ADCK5: variants seen among roughly 807,000 people sequenced by gnomAD.
The protein encoded by ADCK5 is aarF domain containing kinase 5.
In ADCK5, 43 loss-of-function variants were observed where a neutral mutation model predicts 64.9. That is an observed-to-expected ratio of 0.66 (90% CI 0.52 to 0.85). ADCK5 has a LOEUF of 0.85. ADCK5 is among the 40% of genes least tolerant of loss of function. The pLI, the probability that ADCK5 is intolerant of heterozygous loss-of-function variation, is 0.00. For missense variants in ADCK5, 760 were observed against 810.5 expected (o/e 0.94, Z 0.76); for synonymous variants, 434 against 342.8 (o/e 1.27, Z -2.94).
chr8:144,387,384 C>T (rs1458024410), intron 3 of ADCK5, among the ~76,000 whole-genome samples: 2 of 152,070 alleles, frequency 1.3e-5, no homozygotes, highest in Admixed American at 1.3e-4. Context: ...CACTGCTCCT[C>T]CACCCAGCAG....
intron 3 of ADCK5, among the ~76,000 whole-genome samples, chr8:144,390,083 G>A (rs1820138147): frequency 6.6e-6 from 1 of 151,726 alleles, no homozygotes. Context: ...CACTCACCTC[G>A]GCCTCCCAAA....
At position 144,390,997 on chromosome 8, in the gene ADCK5, G is replaced by A. The variant is rs370821655; in HGVS notation, c.484G>A (p.Glu162Lys). 3 of 1,612,882 alleles carry A rather than the reference G, an allele frequency of 1.9e-6. No individual in the cohort carries two copies. Among genetic ancestry groups the A allele is most frequent in the East Asian group, 2.2e-5 (1 of 44,886 alleles). Reference protein sequence around the residue: ...LCSFNHLLPPEYTRTLRVLED... With the variant: ...LCSFNHLLPPKYTRTLRVLED... ...CTCCTTCAACCACCTGCTTCCCCCC[G>A]AGTATACCCGGACCCTGCGCGTGCT... Residue 162 changes from glutamate (E) to lysine (K), a missense_variant, in exon 5 of 15, where the codon GAG (glutamate) becomes AAG (lysine). Physicochemically the swap from Glu to Lys is moderately conservative, Grantham distance 56. This residue lies in a region of ADCK5 where 427 missense variants were observed against 518.4 expected (regional missense o/e 0.82). Transcript: ENST00000308860.
rs782460043 is a variant in ADCK5 at position 144,392,765 on chromosome 8, G to T, written c.1521-11G>T. 1.8e-5 allele frequency: 28 copies of T among 1,587,028 alleles called. No homozygotes were observed. Among genetic ancestry groups the T allele is most frequent in the Non-Finnish European group, 2.2e-5 (26 of 1,168,636 alleles). Reference sequence around the variant, plus strand: ...GTGGGGCTGACGCGGCGCTAACGCGGGTGTGTGCAGGGCTGTCCGGGGCTG... The same window carrying T: ...GTGGGGCTGACGCGGCGCTAACGCGTGTGTGTGCAGGGCTGTCCGGGGCTG... On this transcript the variant is annotated splice_polypyrimidine_tract_variant and intron_variant, in intron 13 of 14. Coordinates refer to ENST00000308860, the MANE Select transcript of ADCK5 (RefSeq NM_174922.5).
At chr8:144,375,268 A>G (rs114917789) in intron 1 of ADCK5, among the ~76,000 whole-genome samples, 151,466 of 152,328 alleles carry the variant, frequency 0.99, 75,315 homozygotes, top group Middle Eastern at 1. Flanking sequence ...GCGTTTGAGG[A>G]CTGGCTGGGG....
rs782659374 is a variant in ADCK5 at position 144,392,907 on chromosome 8, G to A, written c.1637+15G>A. On this transcript the variant is annotated intron_variant, in intron 14 of 14. Coordinates refer to ENST00000308860, the MANE Select transcript of ADCK5 (RefSeq NM_174922.5). ...GTGGCGCTCAGGTGAGTGGCCGCGGGGCAGGTGGGTGGCGGGGGCCTGCTC... is the reference window on the plus strand; with the variant it reads ...GTGGCGCTCAGGTGAGTGGCCGCGGAGCAGGTGGGTGGCGGGGGCCTGCTC... 1.0e-5 allele frequency: 16 copies of A among 1,598,854 alleles called. No individual in the cohort carries two copies. In the Admixed American group the frequency reaches 2.2e-4, roughly 22 times the overall value.
At chr8:144,383,342 C>A in intron 3 of ADCK5, 112 bp downstream of exon 3, 1 of 1,383,388 alleles carries the variant, frequency 7.2e-7, no homozygotes, top group Non-Finnish European at 9.6e-7. Flanking sequence ...GCCTGGGAGG[C>A]CTGCAGAGCT....
intron 3 of ADCK5, among the ~76,000 whole-genome samples, chr8:144,388,547 G>A (rs997353912): frequency 2.0e-5 from 3 of 151,990 alleles, no homozygotes; most frequent in Admixed American, 6.6e-5. Flanking sequence ...GGCGGATCAC[G>A]AGGTCGGGAG....
At chr8:144,381,404 T>G (rs1554858191) in intron 2 of ADCK5, among the ~76,000 whole-genome samples, 1 of 110,964 alleles carries the variant, frequency 9.0e-6, no homozygotes, top group Non-Finnish European at 1.8e-5. Context: ...AGGCACCTGC[T>G]GCACTCAGGA....
intron 2 of ADCK5, among the ~76,000 whole-genome samples, chr8:144,379,899 G>A (rs1819525496): frequency 6.6e-6 from 1 of 152,214 alleles, no homozygotes; most frequent in Non-Finnish European, 1.5e-5. Flanking sequence ...ATGTCCTGAG[G>A]CCAGCAAGTC....
intron 1 of ADCK5, among the ~76,000 whole-genome samples, chr8:144,379,004 G>T (rs1439690467): frequency 6.6e-6 from 1 of 150,986 alleles, no homozygotes; most frequent in Non-Finnish European, 1.5e-5. Flanking sequence ...CGCGATTTCA[G>T]CTCACTGCAA....
In ADCK5 at chr8:144,392,665, C is replaced by T; in HGVS notation, c.1488C>T (p.Ala496=). 6.3e-7 allele frequency: 1 copy of T among 1,594,148 alleles called. No individual in the cohort carries two copies. The highest frequency in any genetic ancestry group is 8.5e-7 in the Non-Finnish European group (1 of 1,171,494). ...GCGCTATCAACGTGGCCCTCGGCGC[C>T]CCCGTGGACCGCTACTTCCTTATGG... ...TVRAINVALG[A]PVDRYFLMAK... Residue 496 remains alanine (A), a synonymous_variant, in exon 13 of 15, where the codon GCC becomes GCT. Transcript: ENST00000308860.
intron 1 of ADCK5, among the ~76,000 whole-genome samples, chr8:144,375,851 G>A (rs1819341547): frequency 6.6e-6 from 1 of 152,232 alleles, no homozygotes; most frequent in Non-Finnish European, 1.5e-5. Flanking sequence ...AGTGTCACCA[G>A]GGCCGTCTCA....
Position 144,392,807 on chromosome 8 carries a change from G to GC in ADCK5, c.1554dup (p.Thr519HisfsTer24). The GC allele has an allele frequency of 1.3e-6, 2 of 1,591,486 alleles. No homozygotes were observed. Among genetic ancestry groups the GC allele is most frequent in the Non-Finnish European group, 1.7e-6 (2 of 1,173,530 alleles). On this transcript the variant is annotated frameshift_variant, in exon 14 of 15. Transcript: ENST00000308860. LOFTEE classifies it high-confidence loss of function. ...CCGGGGCTGGAGCCGCCTGGCGGGC[G>GC]CCACGTATCGGGGTGTCTACGGCAC...
Position 144,392,886 on chromosome 8 carries a change from C to A in ADCK5, c.1631C>A (p.Ala544Glu). Residue 544 changes from alanine to glutamate, a missense_variant, in exon 14 of 15, where the codon GCG becomes GAG. This residue lies in a region of ADCK5 where 333 missense variants were observed against 292.0 expected (regional missense o/e 1.14). Coordinates refer to ENST00000308860, the MANE Select transcript of ADCK5 (RefSeq NM_174922.5). ...VVWEMLKFEV[A>E]LRLETLAMRL... is the part of the protein sequence containing the mutation. ...TGGGAGATGCTCAAGTTTGAAGTGG[C>A]GCTCAGGTGAGTGGCCGCGGGGCAG... 3 of 1,601,092 alleles carry A rather than the reference C, an allele frequency of 1.9e-6. No homozygotes were observed. Among genetic ancestry groups the A allele is most frequent in the South Asian group, 1.1e-5 (1 of 89,888 alleles).
chr8:144,379,249 G>T, intron 1 of ADCK5, 138 bp from the exon 2 acceptor site: 1 of 540,600 alleles, frequency 1.8e-6, no homozygotes. Context: ...GTTCTTTAGA[G>T]CAGTGTGAGA....
At chr8:144,379,145 C>T (rs1554857641) in intron 1 of ADCK5, among the ~76,000 whole-genome samples, 2 of 152,080 alleles carry the variant, frequency 1.3e-5, no homozygotes, top group African/African-American at 2.4e-5. Context: ...GTTGATCAGG[C>T]TGGTCTCAAA....
chr8:144,385,939 G>T (rs1213337924), intron 3 of ADCK5, among the ~76,000 whole-genome samples: 1 of 151,710 alleles, frequency 6.6e-6, no homozygotes, highest in Non-Finnish European at 1.5e-5. Flanking sequence ...ACTCTAGCCT[G>T]GGTGACAGAG....
chr8:144,392,766 G>T lies in ADCK5; in HGVS notation c.1521-10G>T. ...TGGGGCTGACGCGGCGCTAACGCGG[G>T]TGTGTGCAGGGCTGTCCGGGGCTGG... On this transcript the variant is annotated splice_polypyrimidine_tract_variant and intron_variant, in intron 13 of 14. Transcript: ENST00000308860. The T allele has an allele frequency of 6.3e-7, 1 of 1,587,404 alleles. No homozygotes were observed. The highest frequency in any genetic ancestry group is 1.1e-5 in the South Asian group (1 of 89,606).
At chr8:144,389,403 CACAG>C (rs1442238265) in intron 3 of ADCK5, 8 of 455,496 alleles carry the variant, frequency 1.8e-5, no homozygotes, top group Non-Finnish European at 3.5e-5. Context: ...CCTTTACCTT[CACAG>C]ACAGCCTTGG....
Sources: allele counts gnomAD v4.1 joint callset (sites outside exome capture counted in the v4.1 genomes callset), GRCh38; gene constraint gnomAD v4.1.1; regional missense constraint gnomAD v4.1.1; transcripts MANE v1.5; gene names NCBI Gene and HGNC (gene_info 2026-07-23, HGNC 2026-07-21).